The following CADPS2 variants were observed in gnomAD, a reference collection of about 807,000 sequenced individuals.
The protein encoded by CADPS2 is calcium-dependent secretion activator 2.
Under a neutral mutation model 172.5 loss-of-function variants are expected in CADPS2, and 93 were observed. That is an observed-to-expected ratio of 0.54 (90% CI 0.46 to 0.64). The LOEUF is 0.64. Among genes scored for constraint, CADPS2 ranks in the 30% least tolerant of loss-of-function variants. The probability of loss-of-function intolerance (pLI) is 0.00; values close to 1 mark genes in which losing one functional copy is unlikely to be tolerated. For missense variants in CADPS2, 1,420 were observed against 1,565.9 expected (o/e 0.91, Z 1.57); for synonymous variants, 546 against 555.2 (o/e 0.98, Z 0.23).
chr7:122,679,889 T>C (rs1334649075), intron 2 of CADPS2, among the ~76,000 whole-genome samples: 2 of 152,194 alleles, frequency 1.3e-5, no homozygotes, highest in East Asian at 3.9e-4. Context: ...TTTACAAAGA[T>C]GGTTTTTAGT....
intron 20 of CADPS2, among the ~76,000 whole-genome samples, chr7:122,397,009 G>C (rs905813298): frequency 6.6e-6 from 1 of 152,096 alleles, no homozygotes; most frequent in Non-Finnish European, 1.5e-5. Context: ...CTGTGTATAC[G>C]CCTCATACTT....
chr7:122,384,614 G>T (rs2043404621), intron 24 of CADPS2, among the ~76,000 whole-genome samples: 1 of 152,094 alleles, frequency 6.6e-6, no homozygotes, highest in South Asian at 2.1e-4. Context: ...CTTTTGCAAT[G>T]AAATTCTTGT....
intron 1 of CADPS2, among the ~76,000 whole-genome samples, chr7:122,813,352 T>C (rs1158589297): frequency 6.6e-6 from 1 of 152,120 alleles, no homozygotes; most frequent in Non-Finnish European, 1.5e-5. Context: ...GATTTAATTA[T>C]ATGAACAACC....
Position 122,441,543 on chromosome 7 carries a change from G to C in CADPS2, c.2321C>G (p.Ala774Gly), listed in dbSNP as rs779369863. Residue 774 changes from alanine to glycine, a missense_variant, in exon 16 of 30, where the codon GCT becomes GGT. Coordinates refer to ENST00000449022, the MANE Select transcript of CADPS2 (RefSeq NM_017954.11). ...YCFPFGRPEG[A>G]LKATLSLLER... ...AAGTAATGAAAGTGTAGCTTTTAGAGCACCTTCAGGTCGTCCAAAGGGAAA... is the reference window on the plus strand; with the variant it reads ...AAGTAATGAAAGTGTAGCTTTTAGACCACCTTCAGGTCGTCCAAAGGGAAA... 3.3e-6 allele frequency: 5 copies of C among 1,534,748 alleles called. No individual in the cohort carries two copies. The highest frequency in any genetic ancestry group is 1.8e-6 in the Non-Finnish European group (2 of 1,141,054).
At chr7:122,565,626 C>T (rs1467010609) in intron 7 of CADPS2, among the ~76,000 whole-genome samples, 2 of 152,142 alleles carry the variant, frequency 1.3e-5, no homozygotes, top group African/African-American at 4.8e-5. Flanking sequence ...GCATATAATA[C>T]AAACCATCAG....
chr7:122,435,555 C>A, intron 17 of CADPS2, among the ~76,000 whole-genome samples: 1 of 152,070 alleles, frequency 6.6e-6, no homozygotes, highest in Non-Finnish European at 1.5e-5. Context: ...AAAAAGAACT[C>A]TTGTATACTA....
intron 1 of CADPS2, among the ~76,000 whole-genome samples, chr7:122,801,687 A>G (rs1797681305): frequency 6.6e-6 from 1 of 152,186 alleles, no homozygotes; most frequent in South Asian, 2.1e-4. Flanking sequence ...TGTAGGAAAG[A>G]AAAAAATGTA....
At chr7:122,366,728 T>A (rs2040963202) in intron 25 of CADPS2, 1 of 149,836 alleles carries the variant, frequency 6.7e-6, no homozygotes, top group Non-Finnish European at 1.5e-5. Flanking sequence ...CACACATATA[T>A]GTATAATAAC....
chr7:122,425,662 T>C (rs10270700), intron 17 of CADPS2, among the ~76,000 whole-genome samples: 8,115 of 152,176 alleles, frequency 0.053, 530 homozygotes, highest in African/African-American at 0.15. Context: ...TATACACATA[T>C]ACACATTCAG....
chr7:122,809,004 C>A (rs570134373), intron 1 of CADPS2, among the ~76,000 whole-genome samples: 13 of 152,146 alleles, frequency 8.5e-5, no homozygotes, highest in Non-Finnish European at 1.9e-4. Flanking sequence ...GGAGGGGACA[C>A]TTACAGGCTC....
intron 1 of CADPS2, among the ~76,000 whole-genome samples, chr7:122,839,364 C>T (rs1172445771): frequency 2.0e-5 from 3 of 152,118 alleles, no homozygotes; most frequent in African/African-American, 7.2e-5. Context: ...AGGACATAGG[C>T]ATGGGCAAGG....
chr7:122,332,394 CTT>C lies in CADPS2; in HGVS notation c.3613-6815_3613-6814del, dbSNP rs35258384. ...CTATATATGTGACTTTCTTCATCAT[CTT>C]TTTTTTTTTTTTTTCAATCAGAACA... On this transcript the variant is annotated intron_variant, in intron 28 of 29. Transcript: ENST00000449022. Among the ~76,000 whole-genome samples the C allele has an allele frequency of 3.2e-3, 444 of 137,260 alleles. 2 individuals are homozygous for C. The highest frequency in any genetic ancestry group is 0.011 in the African/African-American group (402 of 37,360). The allele number at this position is 137,260 out of a possible 152,430, so 90.0% of individuals were successfully genotyped here.
intron 3 of CADPS2, among the ~76,000 whole-genome samples, chr7:122,635,056 T>C (rs1030467282): frequency 6.6e-6 from 1 of 152,204 alleles, no homozygotes; most frequent in Non-Finnish European, 1.5e-5. Flanking sequence ...TTGAGACTTG[T>C]GTTATCACCA....
At chr7:122,713,109 A>T (rs906294542) in intron 2 of CADPS2, among the ~76,000 whole-genome samples, 1 of 152,158 alleles carries the variant, frequency 6.6e-6, no homozygotes, top group Non-Finnish European at 1.5e-5. Context: ...TGAAAAACAA[A>T]GCAGCCCATA....
chr7:122,527,578 T>TG (rs2061341687), intron 8 of CADPS2, among the ~76,000 whole-genome samples: 1 of 78,952 alleles, frequency 1.3e-5, no homozygotes, highest in African/African-American at 3.9e-5. Flanking sequence ...AAGATAATAC[T>TG]GAATAGAGAG....
chr7:122,560,315 G>A (rs1242946382), intron 7 of CADPS2, among the ~76,000 whole-genome samples: 1 of 152,158 alleles, frequency 6.6e-6, no homozygotes, highest in Non-Finnish European at 1.5e-5. Flanking sequence ...AGTAATTATG[G>A]AAGATTAGGG....
intron 11 of CADPS2, among the ~76,000 whole-genome samples, chr7:122,487,175 TA>T (rs1162249378): frequency 6.6e-6 from 1 of 151,966 alleles, no homozygotes; most frequent in Non-Finnish European, 1.5e-5. Flanking sequence ...CATGCTCAGC[TA>T]ATTTTGCATT....
At chr7:122,850,712 A>G (rs1051302241) in intron 1 of CADPS2, among the ~76,000 whole-genome samples, 1 of 152,176 alleles carries the variant, frequency 6.6e-6, no homozygotes, top group Admixed American at 6.5e-5. Context: ...TAGAGAGAAG[A>G]GCAGGCTGGA....
At chr7:122,326,592 G>C (rs2033922709) in intron 28 of CADPS2, among the ~76,000 whole-genome samples, 1 of 151,906 alleles carries the variant, frequency 6.6e-6, no homozygotes, top group Non-Finnish European at 1.5e-5. Flanking sequence ...GAGATTTTGT[G>C]CCTTGCTTGT....
Sources: allele counts gnomAD v4.1 joint callset (sites outside exome capture counted in the v4.1 genomes callset), GRCh38; gene constraint gnomAD v4.1.1; transcripts MANE v1.5; gene names NCBI Gene and HGNC (gene_info 2026-07-23, HGNC 2026-07-21).